Variants in FBXL7 observed in about 807,000 individuals in gnomAD.
The protein encoded by FBXL7 is F-box/LRR-repeat protein 7.
A neutral mutation model predicts 38.3 loss-of-function variants in FBXL7; 12 were observed. The observed-to-expected ratio is 0.31, with a 90% CI of 0.20 to 0.51. The LOEUF is 0.51. Among genes scored for constraint, FBXL7 ranks in the 20% least tolerant of loss-of-function variants. The probability of loss-of-function intolerance (pLI) is 0.98; values close to 1 mark genes in which losing one functional copy is unlikely to be tolerated. For synonymous variants in FBXL7, 297 were observed against 300.9 expected (o/e 0.99, Z 0.13); for missense variants, 567 against 676.4 (o/e 0.84, Z 1.79).
intron 2 of FBXL7, among the ~76,000 whole-genome samples, chr5:15,703,326 T>G (rs1044522323): frequency 1.3e-5 from 2 of 152,256 alleles, no homozygotes; most frequent in Admixed American, 6.5e-5. Context: ...TAATGTTACA[T>G]GTTTCACCTC....
intron 2 of FBXL7, among the ~76,000 whole-genome samples, chr5:15,801,660 C>T (rs2650450): frequency 0.51 from 69,109 of 135,972 alleles, 16,938 homozygotes; most frequent in Non-Finnish European, 0.59. Flanking sequence ...TGTGTGTGCG[C>T]GCGCGCGTGT....
intron 2 of FBXL7, among the ~76,000 whole-genome samples, chr5:15,802,656 C>CT (rs796900921): frequency 0.014 from 2,018 of 144,286 alleles, 31 homozygotes; most frequent in African/African-American, 0.045. Context: ...CCACATCATC[C>CT]TTTTTTTTTT....
In FBXL7 at chr5:15,938,912, G is replaced by A. The variant is rs1742272792; in HGVS notation, c.*1726G>A. 2.5e-6 allele frequency: 1 copy of A among 398,772 alleles called. No individual in the cohort carries two copies. Among genetic ancestry groups the A allele is most frequent in the East Asian group, 3.6e-5 (1 of 28,062 alleles). The allele number at this position is 398,772 out of a possible 1,614,324, so 24.7% of individuals were successfully genotyped here. Reference sequence around the variant, plus strand: ...TATTCTCTAGCCAAGCCCCACCTTTGTTACGTTGAAATCCCTCATTTATTT... The same window carrying A: ...TATTCTCTAGCCAAGCCCCACCTTTATTACGTTGAAATCCCTCATTTATTT... On this transcript the variant is annotated 3_prime_UTR_variant, in exon 4 of 4. Coordinates refer to ENST00000504595, the MANE Select transcript of FBXL7 (RefSeq NM_012304.5).
At chr5:15,675,099 G>A (rs1173708406) in intron 2 of FBXL7, among the ~76,000 whole-genome samples, 1 of 152,150 alleles carries the variant, frequency 6.6e-6, no homozygotes, top group Non-Finnish European at 1.5e-5. Flanking sequence ...GATGAATAAT[G>A]TATCAGTTGT....
intron 2 of FBXL7, among the ~76,000 whole-genome samples, chr5:15,886,709 G>T (rs1740692517): frequency 6.6e-6 from 1 of 152,146 alleles, no homozygotes; most frequent in African/African-American, 2.4e-5. Flanking sequence ...CAGGGTACAA[G>T]CAGTGTACAC....
chr5:15,769,883 G>A (rs1736683548), intron 2 of FBXL7, among the ~76,000 whole-genome samples: 1 of 152,146 alleles, frequency 6.6e-6, no homozygotes, highest in Admixed American at 6.5e-5. Context: ...GCAGGCCGAA[G>A]GGTATGTGAG....
In FBXL7 at chr5:15,928,308, C is replaced by T. The variant is rs1275738728; in HGVS notation, c.546C>T (p.Pro182=). The stretch of plus-strand genomic sequence containing the variant: ...CCCGCAGACTCTGCCAGGACACCCC[C>T]AACGTGTGTCTCATGCTGGAAACCG... ...VLTRRLCQDT[P]NVCLMLETVT... The change falls in exon 3 of 4, where the codon CCC becomes CCT. Residue 182 remains proline (P), a synonymous_variant. Transcript: ENST00000504595. The surrounding 1 kb of genome is among the most constrained non-coding windows in gnomAD (Gnocchi z 4.0). 3 of 1,613,706 alleles carry T rather than the reference C, an allele frequency of 1.9e-6. No individual in the cohort carries two copies. Among genetic ancestry groups the T allele is most frequent in the East Asian group, 4.5e-5 (2 of 44,872 alleles).
At chr5:15,883,526 T>C (rs979293474) in intron 2 of FBXL7, among the ~76,000 whole-genome samples, 3 of 152,182 alleles carry the variant, frequency 2.0e-5, no homozygotes, top group Non-Finnish European at 2.9e-5. Flanking sequence ...TAACACCAAA[T>C]TGGGCACCAC....
At chr5:15,548,538 C>A (rs1737978396) in intron 1 of FBXL7, among the ~76,000 whole-genome samples, 1 of 152,150 alleles carries the variant, frequency 6.6e-6, no homozygotes, top group Non-Finnish European at 1.5e-5. Context: ...GTCTCCTCAT[C>A]TATAAAATGG....
At chr5:15,849,811 A>G (rs554891350) in intron 2 of FBXL7, among the ~76,000 whole-genome samples, 2 of 152,358 alleles carry the variant, frequency 1.3e-5, no homozygotes, top group South Asian at 2.1e-4. Flanking sequence ...TCATACCTGT[A>G]AAAATGTGAA....
chr5:15,757,730 G>A (rs9637832), intron 2 of FBXL7, among the ~76,000 whole-genome samples: 8,190 of 152,048 alleles, frequency 0.054, 241 homozygotes, highest in East Asian at 0.1. Flanking sequence ...TTCCATGACC[G>A]TTCTTTTGAG....
At chr5:15,545,336 T>C (rs1364819616) in intron 1 of FBXL7, among the ~76,000 whole-genome samples, 2 of 152,232 alleles carry the variant, frequency 1.3e-5, no homozygotes, top group African/African-American at 2.4e-5. Flanking sequence ...GATATTTTAT[T>C]AGCGTATCTA....
intron 1 of FBXL7, among the ~76,000 whole-genome samples, chr5:15,599,549 C>T (rs1011968180): frequency 2.7e-4 from 41 of 152,162 alleles, no homozygotes; most frequent in African/African-American, 9.2e-4. Flanking sequence ...AGAAGGCTGA[C>T]GACATTTTGG....
At chr5:15,759,908 C>T (rs1201254626) in intron 2 of FBXL7, among the ~76,000 whole-genome samples, 1 of 152,108 alleles carries the variant, frequency 6.6e-6, no homozygotes, top group African/African-American at 2.4e-5. Context: ...ATAGTACCTC[C>T]TACACCTTTC....
At chr5:15,559,028 T>G (rs898325201) in intron 1 of FBXL7, among the ~76,000 whole-genome samples, 21 of 152,326 alleles carry the variant, frequency 1.4e-4, no homozygotes, top group African/African-American at 4.8e-4. Flanking sequence ...AGAGAGTAAG[T>G]ACACAATCAA....
chr5:15,663,122 C>G (rs1407180150), intron 2 of FBXL7, among the ~76,000 whole-genome samples: 1 of 152,118 alleles, frequency 6.6e-6, no homozygotes, highest in African/African-American at 2.4e-5. Flanking sequence ...TTGATTCTTC[C>G]TATTCATGAG....
intron 2 of FBXL7, among the ~76,000 whole-genome samples, chr5:15,918,414 TACTC>T (rs1741656044): frequency 1.3e-5 from 2 of 152,214 alleles, no homozygotes; most frequent in African/African-American, 2.4e-5. Flanking sequence ...ACTTTCTAGA[TACTC>T]ACACTGGAGG....
chr5:15,823,368 C>A (rs1198340662), intron 2 of FBXL7, among the ~76,000 whole-genome samples: 1 of 152,186 alleles, frequency 6.6e-6, no homozygotes, highest in Non-Finnish European at 1.5e-5. Flanking sequence ...TCATCACAGT[C>A]ATTATAACCT....
intron 1 of FBXL7, among the ~76,000 whole-genome samples, chr5:15,525,147 G>A (rs138118038): frequency 6.0e-4 from 92 of 152,296 alleles, no homozygotes; most frequent in African/African-American, 2.1e-3. Context: ...GGGCAATGGT[G>A]AGATTTTTAA....
Sources: allele counts gnomAD v4.1 joint callset (sites outside exome capture counted in the v4.1 genomes callset), GRCh38; gene constraint gnomAD v4.1.1; non-coding constraint Gnocchi (gnomAD v3.1); transcripts MANE v1.5; gene names NCBI Gene and HGNC (gene_info 2026-07-23, HGNC 2026-07-21).